TTC7B: variants seen among roughly 807,000 people sequenced by gnomAD.
TTC7B encodes tetratricopeptide repeat domain 7B.
In TTC7B, 28 loss-of-function variants were observed where a neutral mutation model predicts 106.8. The observed-to-expected ratio is 0.26, with a 90% CI of 0.19 to 0.36. TTC7B has a LOEUF of 0.36. Among genes scored for constraint, TTC7B ranks in the 10% least tolerant of loss-of-function variants. The pLI is 1.00. For missense variants in TTC7B, 862 were observed against 1,076.4 expected, an observed-to-expected ratio of 0.80 and a Z score of 2.79; for synonymous variants, 405 against 430.6, an observed-to-expected ratio of 0.94 and a Z score of 0.74.
intron 5 of TTC7B, among the ~76,000 whole-genome samples, chr14:90,700,159 G>A (rs1346689005): frequency 2.6e-5 from 4 of 152,166 alleles, no homozygotes; most frequent in East Asian, 1.9e-4. Context: ...TGCTTATAGC[G>A]TGGAGACCTG....
chr14:90,605,609 C>G (rs1263561802), intron 17 of TTC7B: 1 of 1,283,636 alleles, frequency 7.8e-7, no homozygotes, highest in Non-Finnish European at 1.0e-6. Context: ...AGAGAGGGTT[C>G]CCGGCGGGGA....
At chr14:90,695,645 G>A (rs766604112) in intron 5 of TTC7B, 67 bp from the exon 6 acceptor site, 46 of 1,011,682 alleles carry the variant, frequency 4.5e-5, no homozygotes, top group East Asian at 3.4e-4. Context: ...TTATATGCAC[G>A]TTTCAATGCA....
At chr14:90,562,572 C>T (rs757624003) in intron 19 of TTC7B, among the ~76,000 whole-genome samples, 9 of 152,220 alleles carry the variant, frequency 5.9e-5, no homozygotes, top group Non-Finnish European at 1.2e-4. Context: ...AGACCTACCA[C>T]CTACATTTAA....
Position 90,593,603 on chromosome 14 carries a change from C to G in TTC7B, c.1990G>C (p.Ala664Pro). 6.2e-7 allele frequency: 1 copy of G among 1,610,538 alleles called. No homozygotes were observed. Among genetic ancestry groups the G allele is most frequent in the Non-Finnish European group, 8.5e-7 (1 of 1,177,942 alleles). ...AGTGCCTGCTCCACTCTTGAGGCTG[C>G]TACCGATGTGGCATGGACGGAGCCT... is the stretch of plus-strand genomic sequence containing the variant. ...ETGSVHATSV[A>P]ASRVEQALSE... is the part of the protein sequence containing the mutation. The change falls in exon 18 of 20, where the codon GCA becomes CCA. Residue 664 changes from alanine (A) to proline (P), a missense_variant. By Grantham distance (27) the Ala-to-Pro change is conservative. Coordinates refer to ENST00000328459, the MANE Select transcript of TTC7B (RefSeq NM_001010854.2).
chr14:90,748,952 T>G (rs1026368042), intron 3 of TTC7B, among the ~76,000 whole-genome samples: 1 of 152,204 alleles, frequency 6.6e-6, no homozygotes, highest in Non-Finnish European at 1.5e-5. Context: ...ACTATCTGCC[T>G]TGAAAATACT....
rs142074212 is a variant in TTC7B at position 90,590,939 on chromosome 14, C to T, written c.2107+2547G>A. 5.9e-5 allele frequency among the ~76,000 whole-genome samples: 9 copies of T among 152,312 alleles called. No individual in the cohort carries two copies. In the East Asian group the frequency reaches 9.6e-4, roughly 16 times the overall value. ...TTCCATAGTTCAATTCCACCACCTT[C>T]TAGAATAGTAAAGCCACACCCATTT... On this transcript the variant is annotated intron_variant, in intron 18 of 19. Coordinates refer to ENST00000328459, the MANE Select transcript of TTC7B (RefSeq NM_001010854.2).
chr14:90,547,361 A>G (rs1344436294), intron 19 of TTC7B, among the ~76,000 whole-genome samples: 1 of 152,202 alleles, frequency 6.6e-6, no homozygotes, highest in Non-Finnish European at 1.5e-5. Context: ...GGGGCTAAAC[A>G]CCTTGCCAGA....
At chr14:90,778,091 G>A (rs989141488) in intron 3 of TTC7B, among the ~76,000 whole-genome samples, 2 of 152,136 alleles carry the variant, frequency 1.3e-5, no homozygotes, top group Non-Finnish European at 1.5e-5. Context: ...CCTCTACACT[G>A]TCTCTCACCT....
rs536642632 is a variant in TTC7B, at chr14:90,726,226, G to A, written c.698+3849C>T. Among the ~76,000 whole-genome samples, 10 of 152,338 alleles carry A rather than the reference G, an allele frequency of 6.6e-5. No individual in the cohort carries two copies. The East Asian group carries it at 7.7e-4, about 12-fold the overall frequency. Reference sequence around the variant, plus strand: ...CTTCTCAGAAGGCCGAGGGGAACCCGAGGGTGAGGCCGTTTCTCTGCTGCT... The same window carrying A: ...CTTCTCAGAAGGCCGAGGGGAACCCAAGGGTGAGGCCGTTTCTCTGCTGCT... On this transcript the variant is annotated intron_variant, in intron 5 of 19. Transcript: ENST00000328459.
At chr14:90,589,240 G>C (rs1405306304) in intron 18 of TTC7B, among the ~76,000 whole-genome samples, 1 of 152,162 alleles carries the variant, frequency 6.6e-6, no homozygotes, top group Non-Finnish European at 1.5e-5. Context: ...ACTGTTTAGA[G>C]TTTATCTTAC....
At chr14:90,748,819 A>C (rs1205560078) in intron 3 of TTC7B, among the ~76,000 whole-genome samples, 3 of 152,070 alleles carry the variant, frequency 2.0e-5, no homozygotes, top group African/African-American at 7.2e-5. Flanking sequence ...ATAAGGAAAA[A>C]TTCTTGTATA....
At chr14:90,590,174 T>C (rs1001960136) in intron 18 of TTC7B, among the ~76,000 whole-genome samples, 2 of 152,168 alleles carry the variant, frequency 1.3e-5, no homozygotes, top group Non-Finnish European at 2.9e-5. Context: ...GGAGCACCTA[T>C]CATACAGAAA....
chr14:90,728,234 A>C (rs1889185901), intron 5 of TTC7B, among the ~76,000 whole-genome samples: 1 of 149,244 alleles, frequency 6.7e-6, no homozygotes, highest in Admixed American at 6.8e-5. Flanking sequence ...GTGGTGGCTC[A>C]TGCCGGTAAT....
At chr14:90,681,421 A>G (rs754981006) in intron 7 of TTC7B, among the ~76,000 whole-genome samples, 2 of 151,980 alleles carry the variant, frequency 1.3e-5, no homozygotes, top group African/African-American at 2.4e-5. Flanking sequence ...AACTAAGTTT[A>G]TGTCTTCCCA....
intron 15 of TTC7B, among the ~76,000 whole-genome samples, chr14:90,622,333 G>T (rs543025636): frequency 6.6e-6 from 1 of 151,914 alleles, no homozygotes; most frequent in Non-Finnish European, 1.5e-5. Flanking sequence ...TGGGCAGGCT[G>T]GCCTTGAACT....
rs1889452976 is a variant in TTC7B at position 90,537,682 on chromosome 14, TG to T, written c.*3685del. The T allele has an allele frequency of 6.6e-6, 1 of 152,396 alleles. No individual in the cohort carries two copies. Among genetic ancestry groups the T allele is most frequent in the Admixed American group, 6.5e-5 (1 of 15,270 alleles). The allele number at this position is 152,396 out of a possible 1,614,324, so 9.4% of individuals were successfully genotyped here. ...TGAGATGTCCTCCTCCCAGGTTACC[TG>T]TCTTTCTTCAGCCAGATGTCACCTT... On this transcript the variant is annotated 3_prime_UTR_variant, in exon 20 of 20. Transcript: ENST00000328459.
intron 5 of TTC7B, among the ~76,000 whole-genome samples, chr14:90,721,646 G>A (rs961609554): frequency 3.3e-5 from 5 of 152,108 alleles, no homozygotes; most frequent in African/African-American, 1.2e-4. Context: ...AGAAGGTACT[G>A]ACAGGGCATG....
intron 17 of TTC7B, chr14:90,605,617 G>A: frequency 1.6e-6 from 2 of 1,285,950 alleles, no homozygotes; most frequent in Non-Finnish European, 2.0e-6. Context: ...TTCCCGGCGG[G>A]GACCTGCGTC....
chr14:90,686,935 C>G (rs1197530696), intron 7 of TTC7B, among the ~76,000 whole-genome samples: 1 of 151,396 alleles, frequency 6.6e-6, no homozygotes, highest in Admixed American at 6.6e-5. Context: ...TAATATGGAA[C>G]TATTCCTCAA....
Sources: allele counts gnomAD v4.1 joint callset (sites outside exome capture counted in the v4.1 genomes callset), GRCh38; gene constraint gnomAD v4.1.1; transcripts MANE v1.5; gene names NCBI Gene and HGNC (gene_info 2026-07-23, HGNC 2026-07-21).